Variants in GPM6B observed in about 807,000 individuals in gnomAD.
The protein encoded by GPM6B is neuronal membrane glycoprotein M6-b.
Under a neutral mutation model 27.2 loss-of-function variants are expected in GPM6B, and 4 were observed. The observed-to-expected ratio is 0.15, with a 90% CI of 0.07 to 0.34. The LOEUF (loss-of-function observed/expected upper bound fraction) is 0.34, where lower values mean the gene tolerates loss of function less well. GPM6B is among the 10% of genes least tolerant of loss of function. The pLI is 1.00. For missense variants in GPM6B, 183 were observed against 261.9 expected, an observed-to-expected ratio of 0.70 and a Z score of 2.08; for synonymous variants, 124 against 103.1, an observed-to-expected ratio of 1.20 and a Z score of -1.23.
chrX:13,827,270 CCTT>C (rs201861357), intron 1 of GPM6B, among the ~76,000 whole-genome samples: 3,295 of 88,832 alleles, frequency 0.037, 96 homozygotes, highest in African/African-American at 0.13. Flanking sequence ...CTACCGACTT[CCTT>C]TTTTTTTTTT....
chrX:13,815,538 T>G (rs1197634559), intron 1 of GPM6B, among the ~76,000 whole-genome samples: 1 of 110,436 alleles, frequency 9.1e-6, no homozygotes, highest in African/African-American at 3.3e-5. Context: ...AGGATTGAAC[T>G]AAACAAACGA....
At chrX:13,913,248 C>G (rs2050394841) in intron 1 of GPM6B, among the ~76,000 whole-genome samples, 1 of 110,908 alleles carries the variant, frequency 9.0e-6, no homozygotes, top group Non-Finnish European at 1.9e-5. Flanking sequence ...CTCCTGGGCT[C>G]AAGTGATCCT....
upstream of GPM6B, among the ~76,000 whole-genome samples, chrX:13,819,825 G>A (rs2049287399): frequency 8.9e-6 from 1 of 112,098 alleles, no homozygotes; most frequent in African/African-American, 3.2e-5. Context: ...GATGGAGGGG[G>A]AAGAGAATTT....
chrX:13,842,716 CA>C (rs1569252407), intron 1 of GPM6B, among the ~76,000 whole-genome samples: 1 of 109,789 alleles, frequency 9.1e-6, no homozygotes, highest in African/African-American at 3.4e-5. Flanking sequence ...CCCATGTCTA[CA>C]AAAAATTTTT....
chrX:13,897,451 CTT>C (rs1161344663), intron 1 of GPM6B, among the ~76,000 whole-genome samples: 1 of 111,964 alleles, frequency 8.9e-6, no homozygotes, highest in East Asian at 2.8e-4. Context: ...ACTTTTATCT[CTT>C]GCTACTGTTT....
intron 1 of GPM6B, among the ~76,000 whole-genome samples, chrX:13,895,147 T>C (rs1207101460): frequency 1.8e-5 from 2 of 111,870 alleles, no homozygotes; most frequent in African/African-American, 6.5e-5. Context: ...CTTCTAAATA[T>C]ATCCACATAA....
intron 1 of GPM6B, among the ~76,000 whole-genome samples, chrX:13,837,201 G>A (rs1189948187): frequency 1.1e-5 from 1 of 92,458 alleles, no homozygotes; most frequent in Non-Finnish European, 2.2e-5. Flanking sequence ...TATGTATCTA[G>A]ATATCCCTTC....
At chrX:13,935,370 A>G (rs1921786176) in intron 1 of GPM6B, among the ~76,000 whole-genome samples, 1 of 101,816 alleles carries the variant, frequency 9.8e-6, no homozygotes, top group Admixed American at 1.0e-4. Flanking sequence ...GTAAAGCTTA[A>G]TCGGGCATGG....
At chrX:13,829,554 A>T (rs2049414721) in intron 1 of GPM6B, among the ~76,000 whole-genome samples, 2 of 110,906 alleles carry the variant, frequency 1.8e-5, no homozygotes, top group Admixed American at 9.6e-5. Context: ...TGAAAAGTTC[A>T]TTTCTGTGCC....
At chrX:13,809,197 C>G (rs2147182485) in intron 1 of GPM6B, among the ~76,000 whole-genome samples, 1 of 111,819 alleles carries the variant, frequency 8.9e-6, no homozygotes, top group South Asian at 3.8e-4. Context: ...ATCACTTGCC[C>G]AAGATCTTTC....
At chrX:13,831,618 C>T (rs1421874011) in intron 1 of GPM6B, among the ~76,000 whole-genome samples, 2 of 111,566 alleles carry the variant, frequency 1.8e-5, no homozygotes, top group African/African-American at 3.3e-5. Flanking sequence ...GACCTCTAAA[C>T]ATCATCCAAC....
intron 2 of GPM6B, among the ~76,000 whole-genome samples, chrX:13,786,313 G>C (rs772284705): frequency 8.9e-6 from 1 of 112,079 alleles, no homozygotes; most frequent in African/African-American, 3.2e-5. Context: ...CCAAGCCCTG[G>C]ACCTCCGGGG....
intron 2 of GPM6B, among the ~76,000 whole-genome samples, chrX:13,804,449 G>A (rs1271810844): frequency 1.8e-5 from 2 of 108,305 alleles, no homozygotes; most frequent in Admixed American, 2.0e-4. Context: ...TAGCCCATGT[G>A]GTCATACATC....
At position 13,788,363 on chromosome X, in the gene GPM6B, A is replaced by T. The variant is rs757310730; in HGVS notation, c.182-2555T>A. Among the ~76,000 whole-genome samples the T allele has an allele frequency of 7.3e-5, 8 of 109,421 alleles. No individual in the cohort carries two copies. In the East Asian group the frequency reaches 1.7e-3, roughly 23 times the overall value. On this transcript the variant is annotated intron_variant, in intron 2 of 7. Coordinates refer to ENST00000316715, the MANE Select transcript of GPM6B (RefSeq NM_001001995.3). ...CAGCATGATGGGGGCAAAGATACAG[A>T]CCCCTGCAGAGCCAGTGGAAAGAGA...
At chrX:13,797,225 C>G (rs2048832400) in intron 2 of GPM6B, among the ~76,000 whole-genome samples, 1 of 111,555 alleles carries the variant, frequency 9.0e-6, no homozygotes, top group African/African-American at 3.3e-5. Context: ...GCCCTCCTGG[C>G]TTTGATCCTT....
intron 1 of GPM6B, chrX:13,938,233 C>CT (rs1569319444): frequency 4.0e-6 from 1 of 251,641 alleles, no homozygotes; most frequent in Non-Finnish European, 7.1e-6. Flanking sequence ...GTACCCAGCT[C>CT]TTAGGCTCCC....
At chrX:13,922,397 T>C (rs1217623025) in intron 1 of GPM6B, among the ~76,000 whole-genome samples, 1 of 111,956 alleles carries the variant, frequency 8.9e-6, no homozygotes. Context: ...TGAGTCTAAC[T>C]GACAAACTCT....
At chrX:13,937,293 T>C (rs1921885866) in intron 1 of GPM6B, among the ~76,000 whole-genome samples, 1 of 111,840 alleles carries the variant, frequency 8.9e-6, no homozygotes, top group Non-Finnish European at 1.9e-5. Flanking sequence ...AACCAGAAAA[T>C]TATTTGAGCT....
intron 1 of GPM6B, among the ~76,000 whole-genome samples, chrX:13,862,917 A>C (rs1476905906): frequency 6.4e-5 from 7 of 108,797 alleles, no homozygotes; most frequent in African/African-American, 2.4e-4. Context: ...GGCTGGTCTC[A>C]AATTCCAAGG....
Sources: allele counts gnomAD v4.1 joint callset (sites outside exome capture counted in the v4.1 genomes callset), GRCh38; gene constraint gnomAD v4.1.1; transcripts MANE v1.5; gene names NCBI Gene and HGNC (gene_info 2026-07-23, HGNC 2026-07-21).